ITGBL1: variants seen among roughly 807,000 people sequenced by gnomAD.
ITGBL1 encodes the protein integrin beta-like protein 1.
In ITGBL1, 51 loss-of-function variants were observed where a neutral mutation model predicts 68.5. The ratio of observed to expected loss-of-function variants is 0.74; its 90% CI spans 0.59 to 0.94. The LOEUF (loss-of-function observed/expected upper bound fraction) is 0.94, where lower values mean the gene tolerates loss of function less well. ITGBL1 is among the 40% of genes least tolerant of loss of function. ITGBL1 has a pLI of 0.00. For missense variants in ITGBL1, 649 were observed against 647.4 expected, an observed-to-expected ratio of 1.00 and a Z score of -0.03; for synonymous variants, 209 against 227.3, an observed-to-expected ratio of 0.92 and a Z score of 0.72.
At chr13:101,533,743 G>A (rs563558659) in intron 2 of ITGBL1, among the ~76,000 whole-genome samples, 7 of 128,584 alleles carry the variant, frequency 5.4e-5, no homozygotes, top group Non-Finnish European at 9.8e-5. Flanking sequence ...CAATGCTGAA[G>A]TACAATAAAA....
intron 7 of ITGBL1, among the ~76,000 whole-genome samples, chr13:101,599,681 T>C (rs1260260744): frequency 6.6e-5 from 10 of 152,214 alleles, no homozygotes; most frequent in African/African-American, 2.4e-4. Flanking sequence ...CAGCACCATT[T>C]ATTAAATAGG....
At chr13:101,566,331 C>G (rs2050182888) in intron 2 of ITGBL1, among the ~76,000 whole-genome samples, 1 of 152,012 alleles carries the variant, frequency 6.6e-6, no homozygotes, top group African/African-American at 2.4e-5. Context: ...AGGTGGTTGA[C>G]AGGTGAGATC....
At chr13:101,709,660 G>C (rs2034373414) in intron 9 of ITGBL1, among the ~76,000 whole-genome samples, 1 of 152,204 alleles carries the variant, frequency 6.6e-6, no homozygotes, top group Admixed American at 6.5e-5. Context: ...TACTGAAAAA[G>C]ATACCCATAC....
chr13:101,671,427 T>TTTTG (rs1491250759), intron 7 of ITGBL1, among the ~76,000 whole-genome samples: 1 of 73,446 alleles, frequency 1.4e-5, no homozygotes, highest in East Asian at 1.7e-3. Context: ...TATACCTTTG[T>TTTTG]TTTTTTTTTG....
intron 2 of ITGBL1, among the ~76,000 whole-genome samples, chr13:101,550,693 A>C (rs1252460599): frequency 6.6e-6 from 1 of 152,232 alleles, no homozygotes; most frequent in Non-Finnish European, 1.5e-5. Context: ...GGCTCAGAGC[A>C]GTATGTATGG....
chr13:101,501,670 T>C (rs1201358087), intron 2 of ITGBL1, among the ~76,000 whole-genome samples: 1 of 152,186 alleles, frequency 6.6e-6, no homozygotes, highest in Non-Finnish European at 1.5e-5. Flanking sequence ...TACTTTTTGA[T>C]AGAAAGATCT....
At chr13:101,514,500 A>G (rs575705271) in intron 2 of ITGBL1, among the ~76,000 whole-genome samples, 1 of 152,146 alleles carries the variant, frequency 6.6e-6, no homozygotes, top group East Asian at 1.9e-4. Context: ...TTTATTTCCT[A>G]AAGTCTCTCA....
At chr13:101,666,143 T>C (rs1354358027) in intron 7 of ITGBL1, among the ~76,000 whole-genome samples, 1 of 152,152 alleles carries the variant, frequency 6.6e-6, no homozygotes, top group Non-Finnish European at 1.5e-5. Context: ...TTTCTGCCCA[T>C]TATTAAGACT....
intron 7 of ITGBL1, among the ~76,000 whole-genome samples, chr13:101,660,104 C>A (rs2033043578): frequency 6.6e-6 from 1 of 151,294 alleles, no homozygotes; most frequent in South Asian, 2.1e-4. Context: ...TTCTTCCTGC[C>A]CGCTGAACAA....
chr13:101,676,063 A>G (rs1448626010), intron 7 of ITGBL1, among the ~76,000 whole-genome samples: 1 of 146,130 alleles, frequency 6.8e-6, no homozygotes, highest in Non-Finnish European at 1.5e-5. Flanking sequence ...GAACATTTTA[A>G]AAGTAATAGA....
rs767090527 is a variant in ITGBL1, at chr13:101,454,109, G to C, written c.316+9G>C. 1 of 1,536,250 alleles carries C rather than the reference G, an allele frequency of 6.5e-7. No individual in the cohort carries two copies. The highest frequency in any genetic ancestry group is 1.2e-5 in the South Asian group (1 of 80,424). ...CGGGAGCACCTGTGCAGGTAAGAGGGCGGCGCTGTCTCCTCCCTCGGGAGG... is the reference window on the plus strand; with the variant it reads ...CGGGAGCACCTGTGCAGGTAAGAGGCCGGCGCTGTCTCCTCCCTCGGGAGG... On this transcript the variant is annotated intron_variant, in intron 2 of 10. Coordinates refer to ENST00000376180, the MANE Select transcript of ITGBL1 (RefSeq NM_004791.3).
intron 7 of ITGBL1, among the ~76,000 whole-genome samples, chr13:101,663,964 G>A (rs1285491388): frequency 6.6e-6 from 1 of 152,142 alleles, no homozygotes; most frequent in African/African-American, 2.4e-5. Flanking sequence ...AGAAACAGCA[G>A]ATTTATTGTC....
In ITGBL1 at chr13:101,715,823, G is replaced by T; in HGVS notation, c.*169G>T. On this transcript the variant is annotated 3_prime_UTR_variant, in exon 11 of 11. Transcript: ENST00000376180. ...CGAGTACCTATTAGAAATGAGTTAT[G>T]CAAATTTAGATGCAAATAACATTAG... is the stretch of plus-strand genomic sequence containing the variant. 2.1e-6 allele frequency: 1 copy of T among 479,250 alleles called. No individual in the cohort carries two copies. The highest frequency in any genetic ancestry group is 3.8e-6 in the Non-Finnish European group (1 of 265,390). 29.7% of individuals were successfully genotyped at this position (479,250 alleles called of 1,614,324 possible). A position where few individuals can be genotyped will look rare whatever the true frequency, so the allele number is the denominator to read the frequency against.
intron 7 of ITGBL1, among the ~76,000 whole-genome samples, chr13:101,675,086 AT>A (rs992198297): frequency 3.9e-5 from 6 of 152,004 alleles, no homozygotes; most frequent in East Asian, 1.9e-4. Context: ...TAATTTGACA[AT>A]TTTTTTCAGA....
intron 7 of ITGBL1, among the ~76,000 whole-genome samples, chr13:101,627,225 T>C (rs1179185465): frequency 6.6e-6 from 1 of 152,178 alleles, no homozygotes; most frequent in Non-Finnish European, 1.5e-5. Flanking sequence ...ACAAGTTTTT[T>C]TGGAATTATG....
chr13:101,598,033 T>G, intron 6 of ITGBL1, 120 bp from the exon 7 acceptor site: 2 of 865,898 alleles, frequency 2.3e-6, no homozygotes, highest in South Asian at 2.2e-5. Context: ...TGCCTTAATA[T>G]GTTATATTAT....
chr13:101,465,250 T>C (rs1038028293), intron 2 of ITGBL1, among the ~76,000 whole-genome samples: 3 of 152,230 alleles, frequency 2.0e-5, no homozygotes, highest in Non-Finnish European at 4.4e-5. Context: ...TAATGCTATA[T>C]ACATTTTTGT....
chr13:101,595,108 A>G (rs538624350), intron 6 of ITGBL1, among the ~76,000 whole-genome samples: 1 of 152,214 alleles, frequency 6.6e-6, no homozygotes, highest in Admixed American at 6.5e-5. Flanking sequence ...CCAAAAAACC[A>G]AAAACAGGTC....
intron 7 of ITGBL1, among the ~76,000 whole-genome samples, chr13:101,605,476 G>A (rs114266252): frequency 0.061 from 8,326 of 136,444 alleles, 1,140 homozygotes; most frequent in African/African-American, 0.14. Context: ...ATGTATATGC[G>A]TATATATACA....
Sources: gnomAD v4.1 joint callset for allele counts (sites outside exome capture counted in the v4.1 genomes callset) on GRCh38, gnomAD v4.1.1 for gene constraint, MANE v1.5 for transcripts, NCBI Gene and HGNC (gene_info 2026-07-23, HGNC 2026-07-21) for gene names.